Variants in TSNARE1 observed in about 807,000 individuals in gnomAD.
The protein encoded by TSNARE1 is t-SNARE domain containing 1.
Under a neutral mutation model 62.0 loss-of-function variants are expected in TSNARE1, and 49 were observed. That is an observed-to-expected ratio of 0.79 (90% CI 0.63 to 1.00). The LOEUF is 1.00. Ranked by LOEUF, TSNARE1 falls within the 50% of genes least tolerant of loss-of-function variation. TSNARE1 has a pLI of 0.00. For synonymous variants in TSNARE1, 328 were observed against 294.4 expected (o/e 1.11, Z -1.17); for missense variants, 755 against 700.1 (o/e 1.08, Z -0.88).
rs368490018 is a variant in TSNARE1 at position 142,240,968 on chromosome 8, T to G, written c.1447-11389A>C. 1.4e-4 allele frequency among the ~76,000 whole-genome samples: 21 copies of G among 152,268 alleles called. No homozygotes were observed. In the East Asian group the frequency reaches 1.9e-3, roughly 14 times the overall value. ...TCCAAGATCAGGAACAAGACAAGGG[T>G]GCCGGCTATCATCACTTCTACTCAA... On this transcript the variant is annotated intron_variant, in intron 12 of 13. Coordinates refer to ENST00000524325, the MANE Select transcript of TSNARE1 (RefSeq NM_145003.5).
At chr8:142,325,982 G>A (rs1386500024) in intron 6 of TSNARE1, 70 of 95,818 alleles carry the variant, frequency 7.3e-4, no homozygotes, top group Middle Eastern at 5.3e-3. Context: ...GGCCCCGGAG[G>A]GCATGAGACA....
chr8:142,223,191 C>T lies in TSNARE1; in HGVS notation c.*11+6282G>A, dbSNP rs1343527448. 3.5e-5 allele frequency among the ~76,000 whole-genome samples: 2 copies of T among 57,468 alleles called. 1 individual carries two copies. The highest frequency in any genetic ancestry group is 7.7e-5 in the Non-Finnish European group (2 of 26,008). 37.7% of individuals were successfully genotyped at this position (57,468 alleles called of 152,430 possible). Reference sequence around the variant, plus strand: ...TCACTCAAGTATTCACTCATTCACTCGTTCACTCACTCATACTCATTCACT... The same window carrying T: ...TCACTCAAGTATTCACTCATTCACTTGTTCACTCACTCATACTCATTCACT... On this transcript the variant is annotated intron_variant, in intron 13 of 13. Coordinates refer to ENST00000524325, the MANE Select transcript of TSNARE1 (RefSeq NM_145003.5).
chr8:142,342,230 C>T (rs1218650824), intron 4 of TSNARE1, among the ~76,000 whole-genome samples: 1 of 152,268 alleles, frequency 6.6e-6, no homozygotes, highest in Non-Finnish European at 1.5e-5. Context: ...GGCCAAGTGA[C>T]TCGGGGCCGG....
chr8:142,254,344 G>A lies in TSNARE1; in HGVS notation c.1446+20437C>T, dbSNP rs564846006. On this transcript the variant is annotated intron_variant, in intron 12 of 13. Coordinates refer to ENST00000524325, the MANE Select transcript of TSNARE1 (RefSeq NM_145003.5). ...CCCCGGCCTCTCCCTGCTGCCTGCT[G>A]CTGCTGTCTGCAGAAGACATCCCAT... is the stretch of plus-strand genomic sequence containing the variant. Among the ~76,000 whole-genome samples, 4 of 152,308 alleles carry A rather than the reference G, an allele frequency of 2.6e-5. No homozygotes were observed. The East Asian group carries it at 5.8e-4, about 22-fold the overall frequency.
At chr8:142,393,369 G>A (rs1281299280) in intron 1 of TSNARE1, among the ~76,000 whole-genome samples, 1 of 152,202 alleles carries the variant, frequency 6.6e-6, no homozygotes, top group East Asian at 1.9e-4. Context: ...TCGCTGAAAC[G>A]GGCACCGACA....
intron 13 of TSNARE1, among the ~76,000 whole-genome samples, chr8:142,226,790 C>T (rs1307660945): frequency 1.3e-5 from 2 of 152,132 alleles, no homozygotes; most frequent in South Asian, 4.1e-4. Context: ...TCAAGAAGGG[C>T]TCCCCATGGC....
rs1390608986 is a variant in TSNARE1, at chr8:142,222,826, AC to A, written c.*11+6646del. 3.4e-4 allele frequency among the ~76,000 whole-genome samples: 52 copies of A among 151,016 alleles called. 2 individuals carry two copies. The highest frequency in any genetic ancestry group is 3.4e-3 in the Middle Eastern group (1 of 292). ...CACTCACTCATTCACTCACTCACTC[AC>A]TCATTCACTCACTCATTCATCCACT... On this transcript the variant is annotated intron_variant, in intron 13 of 13. Coordinates refer to ENST00000524325, the MANE Select transcript of TSNARE1 (RefSeq NM_145003.5).
intron 11 of TSNARE1, among the ~76,000 whole-genome samples, chr8:142,283,070 A>G (rs1202334402): frequency 2.0e-5 from 3 of 146,834 alleles, no homozygotes; most frequent in Non-Finnish European, 4.4e-5. Flanking sequence ...CAGTGAGCGG[A>G]GGTGGGGCCA....
intron 1 of TSNARE1, among the ~76,000 whole-genome samples, chr8:142,392,785 A>G (rs1837626985): frequency 6.6e-6 from 1 of 152,122 alleles, no homozygotes; most frequent in Admixed American, 6.5e-5. Flanking sequence ...TACTAAAAAT[A>G]CAAAATTAGC....
intron 2 of TSNARE1, among the ~76,000 whole-genome samples, chr8:142,348,139 T>C (rs1487995494): frequency 6.6e-6 from 1 of 152,126 alleles, no homozygotes; most frequent in Non-Finnish European, 1.5e-5. Flanking sequence ...GATCACAACA[T>C]CCAGAGATAA....
At chr8:142,244,135 G>A (rs574609084) in intron 12 of TSNARE1, among the ~76,000 whole-genome samples, 6 of 152,352 alleles carry the variant, frequency 3.9e-5, no homozygotes, top group East Asian at 3.9e-4. Context: ...GCAGTGAGCC[G>A]AGATCGCGCC....
chr8:142,390,664 C>T lies in TSNARE1; in HGVS notation c.-40+12440G>A, dbSNP rs1265808794. 2.3e-4 allele frequency among the ~76,000 whole-genome samples: 2 copies of T among 8,786 alleles called. 1 individual carries two copies. Among genetic ancestry groups the T allele is most frequent in the Admixed American group, 1.4e-3 (2 of 1,474 alleles). The allele number at this position is 8,786 out of a possible 152,430, so 5.8% of individuals were successfully genotyped here. ...ACTCTGTAACAGAAGCTGTACACTG[C>T]GGGGGACTCCGTAACAGACGCTGTA... On this transcript the variant is annotated intron_variant, in intron 1 of 13. Transcript: ENST00000524325.
chr8:142,318,659 G>A, intron 6 of TSNARE1, 25 bp from the exon 7 acceptor site: 1 of 1,612,360 alleles, frequency 6.2e-7, no homozygotes, highest in Non-Finnish European at 8.5e-7. Context: ...GGAGCCAGGA[G>A]CGAAGGCAGG....
chr8:142,314,977 C>G, intron 8 of TSNARE1, 26 bp downstream of exon 8: 1 of 1,611,914 alleles, frequency 6.2e-7, no homozygotes, highest in Non-Finnish European at 8.5e-7. Flanking sequence ...GCCTGCAGAC[C>G]CCCACTGCCC....
chr8:142,242,947 C>CAAAAAAAAA (rs35092120), intron 12 of TSNARE1, among the ~76,000 whole-genome samples: 2 of 51,390 alleles, frequency 3.9e-5, no homozygotes, highest in Non-Finnish European at 7.0e-5. Flanking sequence ...AACTCTGTCT[C>CAAAAAAAAA]AAAAAAAAAA....
At chr8:142,368,476 A>C (rs944268099) in intron 1 of TSNARE1, among the ~76,000 whole-genome samples, 1 of 152,216 alleles carries the variant, frequency 6.6e-6, no homozygotes, top group Non-Finnish European at 1.5e-5. Flanking sequence ...CTCATCAGAC[A>C]GCTGAAGCGT....
chr8:142,350,222 C>T (rs113902798), intron 2 of TSNARE1, among the ~76,000 whole-genome samples: 1,971 of 136,770 alleles, frequency 0.014, 40 homozygotes, highest in South Asian at 0.086. Flanking sequence ...GCAGGCAGGG[C>T]GGGCAGGGCT....
At chr8:142,296,953 C>G (rs968752563) in intron 10 of TSNARE1, among the ~76,000 whole-genome samples, 3 of 152,294 alleles carry the variant, frequency 2.0e-5, no homozygotes, top group Non-Finnish European at 4.4e-5. Flanking sequence ...ATGGCACCCC[C>G]TGGGTCCTCT....
intron 10 of TSNARE1, among the ~76,000 whole-genome samples, chr8:142,299,712 G>A (rs1350599649): frequency 2.0e-5 from 3 of 151,508 alleles, no homozygotes; most frequent in Non-Finnish European, 4.4e-5. Flanking sequence ...ACGCACTCAC[G>A]CACGCACTCA....
Sources: allele counts gnomAD v4.1 joint callset (sites outside exome capture counted in the v4.1 genomes callset), GRCh38; gene constraint gnomAD v4.1.1; transcripts MANE v1.5; gene names NCBI Gene and HGNC (gene_info 2026-07-23, HGNC 2026-07-21).